The following RPAP3 variants were observed in gnomAD, a reference collection of about 807,000 sequenced individuals.
RPAP3 encodes the protein RNA polymerase II-associated protein 3.
A neutral mutation model predicts 88.8 loss-of-function variants in RPAP3; 58 were observed. The ratio of observed to expected loss-of-function variants is 0.65; its 90% CI spans 0.53 to 0.81. RPAP3 has a LOEUF of 0.81. Ranked by LOEUF, RPAP3 falls within the 40% of genes least tolerant of loss-of-function variation. RPAP3 has a pLI of 0.00. For missense variants in RPAP3, 751 were observed against 764.3 expected, an observed-to-expected ratio of 0.98 and a Z score of 0.20; for synonymous variants, 255 against 259.9, an observed-to-expected ratio of 0.98 and a Z score of 0.18.
intron 14 of RPAP3, 124 bp downstream of exon 14, chr12:47,668,792 T>G (rs1938934418): frequency 8.8e-6 from 6 of 680,384 alleles, no homozygotes; most frequent in African/African-American, 5.4e-5. Flanking sequence ...ACCAGGGTGA[T>G]GTATTCTACA....
At chr12:47,704,404 T>G (rs937666969) in intron 1 of RPAP3, among the ~76,000 whole-genome samples, 4 of 152,154 alleles carry the variant, frequency 2.6e-5, no homozygotes, top group African/African-American at 9.7e-5. Context: ...AGTCTTGCTC[T>G]GTCGCCCAGG....
intron 5 of RPAP3, among the ~76,000 whole-genome samples, chr12:47,695,609 G>T (rs1381484714): frequency 6.6e-6 from 1 of 152,036 alleles, no homozygotes; most frequent in African/African-American, 2.4e-5. Context: ...ATATATTGCA[G>T]ATATCGAATA....
chr12:47,685,543 G>A (rs185044282), intron 9 of RPAP3, among the ~76,000 whole-genome samples: 3 of 152,248 alleles, frequency 2.0e-5, no homozygotes, highest in Admixed American at 2.0e-4. Flanking sequence ...CTTGTGACAA[G>A]GCTGGCAACT....
intron 1 of RPAP3, among the ~76,000 whole-genome samples, chr12:47,703,782 C>G (rs927748351): frequency 1.3e-5 from 2 of 152,018 alleles, no homozygotes; most frequent in African/African-American, 4.8e-5. Flanking sequence ...TGAGGTCTAA[C>G]CTATATTCTG....
intron 16 of RPAP3, 48 bp from the exon 17 acceptor site, chr12:47,663,638 C>T: frequency 8.6e-7 from 1 of 1,163,416 alleles, no homozygotes; most frequent in South Asian, 1.5e-5. Context: ...TTTTTAAAAA[C>T]CAAGCAAAAT....
Position 47,687,864 on chromosome 12 carries a change from G to A in RPAP3, c.864+12C>T. 1 of 1,612,054 alleles carries A rather than the reference G, an allele frequency of 6.2e-7. No homozygotes were observed. The highest frequency in any genetic ancestry group is 1.3e-5 in the African/African-American group (1 of 74,946). On this transcript the variant is annotated intron_variant, in intron 8 of 16. Coordinates refer to ENST00000005386, the MANE Select transcript of RPAP3 (RefSeq NM_024604.3). ...AACATATACATTGTACGTTGGAATA[G>A]CTTTGGATTACCCGATCTTTCTCTG...
chr12:47,680,462 ATT>A (rs144826199), intron 10 of RPAP3, among the ~76,000 whole-genome samples: 1 of 151,858 alleles, frequency 6.6e-6, no homozygotes, highest in Non-Finnish European at 1.5e-5. Flanking sequence ...AACGTTACAT[ATT>A]TTTTTTAACC....
At chr12:47,705,392 T>A (rs1410304577) in intron 1 of RPAP3, among the ~76,000 whole-genome samples, 2 of 152,166 alleles carry the variant, frequency 1.3e-5, no homozygotes, top group Non-Finnish European at 2.9e-5. Context: ...AAAACAAAAC[T>A]AGTACAACGC....
At chr12:47,669,202 A>G in intron 13 of RPAP3, 100 bp from the exon 14 acceptor site, 2 of 705,606 alleles carry the variant, frequency 2.8e-6, no homozygotes, top group South Asian at 2.0e-5. Context: ...GACTATTAAT[A>G]TTGTATTATC....
At chr12:47,669,136 A>T (rs773651126) in intron 13 of RPAP3, 34 bp from the exon 14 acceptor site, 1 of 1,490,292 alleles carries the variant, frequency 6.7e-7, no homozygotes. Flanking sequence ...ACAGAAAAGA[A>T]CCATAAATAA....
chr12:47,702,657 G>A, intron 2 of RPAP3, 31 bp downstream of exon 2: 1 of 1,482,922 alleles, frequency 6.7e-7, no homozygotes, highest in East Asian at 2.4e-5. Flanking sequence ...AATTAGTTTT[G>A]GTGGATCTTA....
rs776526044 is a variant in RPAP3, at chr12:47,696,268, G to A, written c.545+8C>T. On this transcript the variant is annotated splice_region_variant and intron_variant, in intron 5 of 16. Coordinates refer to ENST00000005386, the MANE Select transcript of RPAP3 (RefSeq NM_024604.3). ...TTCACATTCACACACGTCACAGAAA[G>A]TCCTTACTTTTTCAGTCTAAAATAT... 17 of 1,527,892 alleles carry A rather than the reference G, an allele frequency of 1.1e-5. No homozygotes were observed. Among genetic ancestry groups the A allele is most frequent in the Admixed American group, 8.4e-5 (4 of 47,368 alleles). 94.6% of individuals were successfully genotyped at this position (1,527,892 alleles called of 1,614,324 possible).
intron 9 of RPAP3, among the ~76,000 whole-genome samples, chr12:47,684,365 C>T (rs1298970261): frequency 6.6e-6 from 1 of 152,228 alleles, no homozygotes; most frequent in Non-Finnish European, 1.5e-5. Flanking sequence ...ACTGACTATA[C>T]TGCTGGTTCT....
At chr12:47,704,176 G>A (rs890641649) in intron 1 of RPAP3, among the ~76,000 whole-genome samples, 5 of 152,114 alleles carry the variant, frequency 3.3e-5, no homozygotes, top group African/African-American at 1.2e-4. Flanking sequence ...TGAACCTGGA[G>A]AACACTAAAC....
At chr12:47,691,809 C>T (rs528528202) in intron 5 of RPAP3, among the ~76,000 whole-genome samples, 3 of 151,760 alleles carry the variant, frequency 2.0e-5, no homozygotes, top group Admixed American at 1.3e-4. Flanking sequence ...TGCAGTGGCA[C>T]GATCTGGCTC....
intron 12 of RPAP3, among the ~76,000 whole-genome samples, chr12:47,675,244 GAAGCACTAAACATGGA>G (rs547550816): frequency 7.2e-5 from 11 of 152,312 alleles, no homozygotes; most frequent in Admixed American, 7.2e-4. Flanking sequence ...GCTTCTGAAG[GAAGCACTAAACATGGA>G]AAGAAACAAC....
Position 47,696,273 on chromosome 12 carries a change from T to C in RPAP3, c.545+3A>G. The C allele has an allele frequency of 6.5e-7, 1 of 1,535,340 alleles. No individual in the cohort carries two copies. The highest frequency in any genetic ancestry group is 8.8e-7 in the Non-Finnish European group (1 of 1,141,320). ...ATTCACACACGTCACAGAAAGTCCT[T>C]ACTTTTTCAGTCTAAAATATGCTGA... On this transcript the variant is annotated splice_donor_region_variant and intron_variant, in intron 5 of 16. Transcript: ENST00000005386.
At chr12:47,670,742 G>T (rs747655053) in intron 12 of RPAP3, among the ~76,000 whole-genome samples, 2 of 152,168 alleles carry the variant, frequency 1.3e-5, no homozygotes, top group African/African-American at 4.8e-5. Flanking sequence ...CAGTGGGGCT[G>T]GTGCACGGCA....
intron 14 of RPAP3, 82 bp from the exon 15 acceptor site, chr12:47,667,933 T>C (rs1938915530): frequency 1.1e-6 from 1 of 904,922 alleles, no homozygotes; most frequent in Non-Finnish European, 1.7e-6. Flanking sequence ...TGGGTAAAAA[T>C]AGTAAAGAAT....
Sources: gnomAD v4.1 joint callset for allele counts (sites outside exome capture counted in the v4.1 genomes callset) on GRCh38, gnomAD v4.1.1 for gene constraint, MANE v1.5 for transcripts, NCBI Gene and HGNC (gene_info 2026-07-23, HGNC 2026-07-21) for gene names.